Variants in GAS7 observed in about 807,000 individuals in gnomAD.
GAS7 encodes growth arrest-specific protein 7.
Under a neutral mutation model 71.1 loss-of-function variants are expected in GAS7, and 28 were observed. That is an observed-to-expected ratio of 0.39 (90% CI 0.29 to 0.54). The LOEUF (loss-of-function observed/expected upper bound fraction) is 0.54. Among genes scored for constraint, GAS7 ranks in the 20% least tolerant of loss-of-function variants. The probability of loss-of-function intolerance (pLI) is 0.62; values close to 1 mark genes in which losing one functional copy is unlikely to be tolerated. For synonymous variants in GAS7, 258 were observed against 245.8 expected, an observed-to-expected ratio of 1.05 and a Z score of -0.46; for missense variants, 436 against 627.8, an observed-to-expected ratio of 0.69 and a Z score of 3.27.
At chr17:10,005,502 T>TA (rs60669867) in intron 2 of GAS7, among the ~76,000 whole-genome samples, 10 of 151,398 alleles carry the variant, frequency 6.6e-5, no homozygotes, top group East Asian at 2.0e-4. Context: ...AGTTGAGTAT[T>TA]AAAAAAAATG....
At chr17:9,988,377 G>A (rs967721502) in intron 2 of GAS7, among the ~76,000 whole-genome samples, 1 of 152,132 alleles carries the variant, frequency 6.6e-6, no homozygotes, top group African/African-American at 2.4e-5. Context: ...GAGCCCCATT[G>A]CCTTGGTCCA....
rs1213032566 is a variant in GAS7, at chr17:10,070,778, T to C, written c.184-50881A>G. On this transcript the variant is annotated intron_variant, in intron 1 of 13. Coordinates refer to ENST00000432992, the MANE Select transcript of GAS7 (RefSeq NM_201433.2). ...GCCGTCCCTCCTGCCCTATTCTAAA[T>C]CTAGAGTCTAGGGAGAGGGAGGCAG... Among the ~76,000 whole-genome samples the C allele has an allele frequency of 2.6e-5, 4 of 151,848 alleles. No individual in the cohort carries two copies. The East Asian group carries it at 7.9e-4, about 30-fold the overall frequency.
intron 1 of GAS7, among the ~76,000 whole-genome samples, chr17:10,145,921 C>T (rs7222402): frequency 0.58 from 88,114 of 152,022 alleles, 26,095 homozygotes; most frequent in South Asian, 0.68. Flanking sequence ...AACTTGCCCC[C>T]GTAGTCCCAA....
chr17:10,016,630 C>CA (rs1178954166), intron 2 of GAS7, among the ~76,000 whole-genome samples: 3 of 119,208 alleles, frequency 2.5e-5, no homozygotes, highest in South Asian at 2.7e-4. Context: ...AAAAACAAAA[C>CA]AAAAAAAACT....
intron 11 of GAS7, chr17:9,924,635 CATT>C (rs2067933204): frequency 6.7e-6 from 1 of 149,446 alleles, no homozygotes; most frequent in African/African-American, 2.5e-5. Flanking sequence ...CCTTCTATTA[CATT>C]ATTTTTTATT....
intron 2 of GAS7, among the ~76,000 whole-genome samples, chr17:10,016,602 C>CAAAAAAAAAAAAAAAAAAAAAA (rs1158379710): frequency 1.2e-5 from 1 of 84,730 alleles, no homozygotes; most frequent in Non-Finnish European, 2.5e-5. Flanking sequence ...CTGTCTCTAC[C>CAAAAAAAAAAAAAAAAAAAAAA]AAAAAAAAAA....
Position 9,959,460 on chromosome 17 carries a change from AT to A in GAS7, c.472-206del. 1 of 1,430,184 alleles carries A rather than the reference AT, an allele frequency of 7.0e-7. No individual in the cohort carries two copies. Among genetic ancestry groups the A allele is most frequent in the African/African-American group, 1.4e-5 (1 of 69,680 alleles). 88.6% of individuals were successfully genotyped at this position (1,430,184 alleles called of 1,614,324 possible). Reference sequence around the variant, plus strand: ...CGCCCAGCTCTCGGGCTGAAGGCGAATTAAGGAAGCCTCCTGCACAGGCTCT... The same window carrying A: ...CGCCCAGCTCTCGGGCTGAAGGCGAATAAGGAAGCCTCCTGCACAGGCTCT... On this transcript the variant is annotated intron_variant, in intron 4 of 13. Coordinates refer to ENST00000432992, the MANE Select transcript of GAS7 (RefSeq NM_201433.2). This position sits in a 1 kb window ranked among gnomAD's most constrained non-coding sequence, Gnocchi z 5.0.
chr17:9,959,933 T>C lies in GAS7; in HGVS notation c.472-678A>G, dbSNP rs576358996. ...GCAGTTTGCCAAAGTCCTGGGATCG[T>C]TCTGGCAGAGAAAATTAAGGACTGC... is the stretch of plus-strand genomic sequence containing the variant. On this transcript the variant is annotated intron_variant, in intron 4 of 13. Coordinates refer to ENST00000432992, the MANE Select transcript of GAS7 (RefSeq NM_201433.2). This position sits in a 1 kb window ranked among gnomAD's most constrained non-coding sequence, Gnocchi z 5.0. Among the ~76,000 whole-genome samples, 18 of 152,226 alleles carry C rather than the reference T, an allele frequency of 1.2e-4. No individual in the cohort carries two copies. The highest frequency in any genetic ancestry group is 1.5e-4 in the Non-Finnish European group (10 of 68,036).
chr17:10,122,063 G>A (rs2073908868), intron 1 of GAS7, among the ~76,000 whole-genome samples: 1 of 152,096 alleles, frequency 6.6e-6, no homozygotes, highest in African/African-American at 2.4e-5. Context: ...ACACACCAAG[G>A]CCCAAAATAG....
At position 10,034,305 on chromosome 17, in the gene GAS7, C is replaced by A; in HGVS notation, c.184-14408G>T. The A allele has an allele frequency of 2.8e-5, 18 of 635,112 alleles. No homozygotes were observed. Among genetic ancestry groups the A allele is most frequent in the Non-Finnish European group, 3.3e-5 (17 of 513,602 alleles). The allele number at this position is 635,112 out of a possible 1,614,324, so 39.3% of individuals were successfully genotyped here. On this transcript the variant is annotated intron_variant, in intron 1 of 13. Transcript: ENST00000432992. This position sits in a 1 kb window ranked among gnomAD's most constrained non-coding sequence, Gnocchi z 4.4. ...ATATATACATATATATAGCCTAATA[C>A]TTAATAATTCTTTTTTTTTTTTTTA...
At chr17:9,950,962 C>G (rs1449300330) in intron 5 of GAS7, among the ~76,000 whole-genome samples, 2 of 152,120 alleles carry the variant, frequency 1.3e-5, no homozygotes, top group Non-Finnish European at 2.9e-5. Context: ...GGAGTTTTCT[C>G]CCAGGCCTCA....
Position 10,089,889 on chromosome 17 carries a change from C to T in GAS7, c.184-69992G>A, listed in dbSNP as rs150242091. 1.5e-4 allele frequency among the ~76,000 whole-genome samples: 23 copies of T among 152,096 alleles called. No homozygotes were observed. In the East Asian group the frequency reaches 3.5e-3, roughly 23 times the overall value. ...AACCCTTAGAAGTGTGACTGGAGGC[C>T]GGGTGCAGTGGCTCACACCTCTAAT... On this transcript the variant is annotated intron_variant, in intron 1 of 13. Transcript: ENST00000432992.
At chr17:9,964,847 T>A (rs1435825146) in intron 4 of GAS7, among the ~76,000 whole-genome samples, 1 of 152,178 alleles carries the variant, frequency 6.6e-6, no homozygotes, top group Non-Finnish European at 1.5e-5. Flanking sequence ...AATAAGAACA[T>A]GTGTTATTGA....
At chr17:9,965,700 T>A (rs2069677727) in intron 4 of GAS7, among the ~76,000 whole-genome samples, 1 of 152,172 alleles carries the variant, frequency 6.6e-6, no homozygotes, top group African/African-American at 2.4e-5. Flanking sequence ...AAAAGATGAT[T>A]CGCCTTTGAT....
At chr17:9,999,055 T>C (rs1172525189) in intron 2 of GAS7, among the ~76,000 whole-genome samples, 1 of 152,250 alleles carries the variant, frequency 6.6e-6, no homozygotes, top group Admixed American at 6.5e-5. Context: ...TGGAAAATCA[T>C]ACCACACAAC....
chr17:9,929,776 G>A (rs905325184), intron 9 of GAS7, among the ~76,000 whole-genome samples: 3 of 151,918 alleles, frequency 2.0e-5, no homozygotes, highest in Non-Finnish European at 4.4e-5. Context: ...TGTGCCCGAC[G>A]ATATTAAGTA....
At chr17:10,106,790 C>A (rs200441814) in intron 1 of GAS7, among the ~76,000 whole-genome samples, 10 of 136,972 alleles carry the variant, frequency 7.3e-5, no homozygotes, top group Middle Eastern at 7.5e-3. Flanking sequence ...GCCCCCCCCC[C>A]CAAATATATT....
chr17:10,164,283 A>T (rs1238462901), intron 1 of GAS7, among the ~76,000 whole-genome samples: 1 of 151,872 alleles, frequency 6.6e-6, no homozygotes, highest in African/African-American at 2.4e-5. Context: ...TTCTACTAAA[A>T]ATACAAAAAT....
At position 10,098,221 on chromosome 17, in the gene GAS7, G is replaced by A. The variant is rs187576196; in HGVS notation, c.184-78324C>T. 3.4e-3 allele frequency among the ~76,000 whole-genome samples: 516 copies of A among 152,210 alleles called. 1 individual carries two copies. The highest frequency in any genetic ancestry group is 5.6e-3 in the Non-Finnish European group (382 of 68,010). On this transcript the variant is annotated intron_variant, in intron 1 of 13. Coordinates refer to ENST00000432992, the MANE Select transcript of GAS7 (RefSeq NM_201433.2). ...GGAATAAAGAGTGAGCTGGAGCCGC[G>A]GGCTACAAGGGGTAGGGACAGCTGT...
Sources: allele counts gnomAD v4.1 joint callset (sites outside exome capture counted in the v4.1 genomes callset), GRCh38; gene constraint gnomAD v4.1.1; non-coding constraint Gnocchi (gnomAD v3.1); transcripts MANE v1.5; gene names NCBI Gene and HGNC (gene_info 2026-07-23, HGNC 2026-07-21).